Variants in GRIK2 observed in about 807,000 individuals in gnomAD.
GRIK2 encodes glutamate receptor ionotropic, kainate 2.
GRIK2 carries 32 observed loss-of-function variants against 100.3 expected under a neutral mutation model. That is an observed-to-expected ratio of 0.32 (90% CI 0.24 to 0.43). GRIK2 has a LOEUF of 0.43. Ranked by LOEUF, GRIK2 falls within the 20% of genes least tolerant of loss-of-function variation. GRIK2 has a pLI of 1.00. For missense variants in GRIK2, 843 were observed against 1,114.9 expected, an observed-to-expected ratio of 0.76 and a Z score of 3.47; for synonymous variants, 417 against 389.4, an observed-to-expected ratio of 1.07 and a Z score of -0.83.
chr6:101,891,618 T>C (rs780713052), intron 12 of GRIK2: 2 of 398,582 alleles, frequency 5.0e-6, no homozygotes, highest in Non-Finnish European at 9.7e-6. Flanking sequence ...TGCATTATTT[T>C]TACCTAATTA....
intron 2 of GRIK2, among the ~76,000 whole-genome samples, chr6:101,460,490 G>A (rs1771247421): frequency 6.6e-6 from 1 of 152,154 alleles, no homozygotes; most frequent in Non-Finnish European, 1.5e-5. Flanking sequence ...CTAATTTGTG[G>A]CAACATGCAT....
At chr6:101,419,290 C>T (rs1291731442) in intron 2 of GRIK2, among the ~76,000 whole-genome samples, 1 of 152,152 alleles carries the variant, frequency 6.6e-6, no homozygotes, top group Non-Finnish European at 1.5e-5. Flanking sequence ...CCACCCTTAT[C>T]TCAGTGTAGC....
At chr6:101,585,180 G>C (rs906294429) in intron 2 of GRIK2, among the ~76,000 whole-genome samples, 2 of 151,970 alleles carry the variant, frequency 1.3e-5, no homozygotes, top group Non-Finnish European at 2.9e-5. Flanking sequence ...TAATAAATTA[G>C]TAAGATAGAC....
Position 101,686,311 on chromosome 6 carries a change from A to G in GRIK2, c.909A>G (p.Ala303=), listed in dbSNP as rs1286396186. The stretch of plus-strand genomic sequence containing the variant: ...AGTGGTCGATGGAACGATTGCAGGC[A>G]CCTCCGAAACCCGATTCAGGTTTGC... The part of the protein sequence containing the change: ...IEKWSMERLQ[A]PPKPDSGLLD... The change falls in exon 7 of 17, where the codon GCA becomes GCG. Residue 303 remains alanine (A), a synonymous_variant. Transcript: ENST00000369134. 2 of 1,613,344 alleles carry G rather than the reference A, an allele frequency of 1.2e-6. No homozygotes were observed. Among genetic ancestry groups the G allele is most frequent in the East Asian group, 2.2e-5 (1 of 44,842 alleles).
At chr6:101,552,208 A>C (rs1776545509) in intron 2 of GRIK2, among the ~76,000 whole-genome samples, 1 of 152,180 alleles carries the variant, frequency 6.6e-6, no homozygotes, top group Non-Finnish European at 1.5e-5. Flanking sequence ...ATCATTTGGC[A>C]GTTGAGAAAA....
At chr6:101,463,022 T>C (rs1771416958) in intron 2 of GRIK2, among the ~76,000 whole-genome samples, 1 of 152,162 alleles carries the variant, frequency 6.6e-6, no homozygotes, top group Non-Finnish European at 1.5e-5. Flanking sequence ...ATTGATGCAT[T>C]AAAACACCAT....
At chr6:101,939,236 A>G (rs1417167) in intron 14 of GRIK2, among the ~76,000 whole-genome samples, 1 of 151,988 alleles carries the variant, frequency 6.6e-6, no homozygotes, top group African/African-American at 2.4e-5. Context: ...ACATTCCTCA[A>G]TCAATACAGA....
intron 14 of GRIK2, among the ~76,000 whole-genome samples, chr6:102,016,494 C>T (rs894331992): frequency 2.0e-5 from 3 of 150,970 alleles, no homozygotes; most frequent in Non-Finnish European, 3.0e-5. Context: ...CTAACCTGCA[C>T]ATTGTGCACA....
intron 14 of GRIK2, among the ~76,000 whole-genome samples, chr6:101,939,668 T>C (rs1031704212): frequency 6.6e-6 from 1 of 152,138 alleles, no homozygotes; most frequent in African/African-American, 2.4e-5. Flanking sequence ...GATTTTATTA[T>C]TTTAGTGCAG....
At chr6:101,651,887 G>A (rs1259845463) in intron 4 of GRIK2, among the ~76,000 whole-genome samples, 1 of 152,116 alleles carries the variant, frequency 6.6e-6, no homozygotes, top group Non-Finnish European at 1.5e-5. Flanking sequence ...TCACAGAAGT[G>A]AGTATAAACA....
chr6:102,057,627 A>G (rs1582801456), intron 16 of GRIK2, among the ~76,000 whole-genome samples: 2 of 152,072 alleles, frequency 1.3e-5, no homozygotes, highest in Middle Eastern at 3.4e-3. Context: ...TCACTTCACA[A>G]TGCTTTGCAC....
At chr6:101,849,386 C>T (rs2128438983) in intron 10 of GRIK2, among the ~76,000 whole-genome samples, 1 of 152,184 alleles carries the variant, frequency 6.6e-6, no homozygotes, top group Admixed American at 6.5e-5. Context: ...CTGAGCACCT[C>T]TTGAGCCCTT....
intron 4 of GRIK2, among the ~76,000 whole-genome samples, chr6:101,659,415 C>G (rs971725585): frequency 1.3e-5 from 2 of 152,030 alleles, no homozygotes; most frequent in African/African-American, 4.8e-5. Context: ...TTACTGTAGC[C>G]TTTTAGTATA....
intron 2 of GRIK2, among the ~76,000 whole-genome samples, chr6:101,503,639 CTT>C (rs1381385421): frequency 2.6e-5 from 4 of 152,080 alleles, no homozygotes; most frequent in Non-Finnish European, 1.5e-5. Context: ...AAAGGGGTAA[CTT>C]TGTAAATTTT....
intron 2 of GRIK2, among the ~76,000 whole-genome samples, chr6:101,514,198 A>G (rs976397247): frequency 2.0e-5 from 3 of 152,124 alleles, no homozygotes; most frequent in African/African-American, 7.2e-5. Flanking sequence ...ATTTTTTAAA[A>G]AGAAAACTTT....
intron 14 of GRIK2, among the ~76,000 whole-genome samples, chr6:101,987,822 CAG>C (rs1481189934): frequency 6.6e-6 from 1 of 151,172 alleles, no homozygotes; most frequent in Non-Finnish European, 1.5e-5. Flanking sequence ...CTGTTTCTAA[CAG>C]ATTTAAATTT....
chr6:101,646,374 G>A (rs1781528629), intron 4 of GRIK2, among the ~76,000 whole-genome samples: 1 of 151,832 alleles, frequency 6.6e-6, no homozygotes, highest in African/African-American at 2.4e-5. Context: ...TACATATGTT[G>A]CTGAATTTAG....
intron 14 of GRIK2, among the ~76,000 whole-genome samples, chr6:102,005,870 T>C (rs1582707014): frequency 6.6e-6 from 1 of 152,002 alleles, no homozygotes; most frequent in Non-Finnish European, 1.5e-5. Context: ...GCTGACAGGG[T>C]TGGATTCTTC....
At chr6:101,526,355 G>T (rs1266728386) in intron 2 of GRIK2, among the ~76,000 whole-genome samples, 1 of 152,136 alleles carries the variant, frequency 6.6e-6, no homozygotes, top group African/African-American at 2.4e-5. Flanking sequence ...AGTTAGGCTA[G>T]AATTGCTAAT....
Sources: gnomAD v4.1 joint callset for allele counts (sites outside exome capture counted in the v4.1 genomes callset) on GRCh38, gnomAD v4.1.1 for gene constraint, MANE v1.5 for transcripts, NCBI Gene and HGNC (gene_info 2026-07-23, HGNC 2026-07-21) for gene names.